Variants in LRRIQ1 observed in about 807,000 individuals in gnomAD.
The protein encoded by LRRIQ1 is leucine-rich repeat- and IQ domain-containing protein 1.
Under a neutral mutation model 211.9 loss-of-function variants are expected in LRRIQ1, and 210 were observed. That is an observed-to-expected ratio of 0.99 (90% CI 0.89 to 1.11). The LOEUF (loss-of-function observed/expected upper bound fraction) is 1.11, where lower values mean the gene tolerates loss of function less well. LRRIQ1 is among the 50% of genes most tolerant of loss of function. The pLI is 0.00. For missense variants in LRRIQ1, 2,136 were observed against 1,939.5 expected (o/e 1.10, Z -1.90); for synonymous variants, 699 against 650.1 (o/e 1.08, Z -1.14).
chr12:85,111,053 A>T (rs1334339383), intron 15 of LRRIQ1, among the ~76,000 whole-genome samples: 1 of 152,136 alleles, frequency 6.6e-6, no homozygotes, highest in Admixed American at 6.6e-5. Context: ...CTTCATAAAA[A>T]ATAACCCAGA....
chr12:85,049,642 G>A (rs1880061357), intron 6 of LRRIQ1, among the ~76,000 whole-genome samples: 1 of 152,024 alleles, frequency 6.6e-6, no homozygotes, highest in East Asian at 1.9e-4. Context: ...TTCTTTGATT[G>A]GCTTTTTAAA....
chr12:85,271,416 CTCTT>C, the LRRIQ1 span, among the ~76,000 whole-genome samples: 3 of 152,160 alleles, frequency 2.0e-5, no homozygotes, highest in Non-Finnish European at 2.9e-5. Flanking sequence ...AATTTAATCA[CTCTT>C]TCTTATGTCT....
intron 24 of LRRIQ1, among the ~76,000 whole-genome samples, chr12:85,193,548 C>A (rs1228712106): frequency 6.9e-6 from 1 of 144,996 alleles, no homozygotes; most frequent in African/African-American, 2.5e-5. Context: ...ATTTTCAACC[C>A]AGAATTTCAT....
At chr12:85,091,772 G>C (rs550370911) in intron 11 of LRRIQ1, among the ~76,000 whole-genome samples, 2 of 152,068 alleles carry the variant, frequency 1.3e-5, no homozygotes, top group African/African-American at 2.4e-5. Flanking sequence ...CACATTGCTT[G>C]CTTCTTAAAA....
Position 85,236,829 on chromosome 12 carries a change from G to GTATATATATATATATATA in LRRIQ1, c.5016+4073_5016+4074insTATATATATATATATATA, listed in dbSNP as rs1565921248. ...TCTGGATATATGTATGTGTATGTGT[G>GTATATATATATATATATA]CATATATATATATATATATATATAT... On this transcript the variant is annotated intron_variant, in intron 26 of 26. Transcript: ENST00000393217. Among the ~76,000 whole-genome samples the GTATATATATATATATATA allele has an allele frequency of 3.0e-3, 179 of 60,426 alleles. 2 individuals are homozygous for GTATATATATATATATATA. The highest frequency in any genetic ancestry group is 0.026 in the African/African-American group (157 of 6,070). 39.6% of individuals were successfully genotyped at this position (60,426 alleles called of 152,430 possible). A position where few individuals can be genotyped will look rare whatever the true frequency, so the allele number is the denominator to read the frequency against.
rs11116735 is a variant in LRRIQ1, at chr12:85,189,062, T to G, written c.4822+28348T>G. On this transcript the variant is annotated intron_variant, in intron 24 of 26. Transcript: ENST00000393217. ...ATCCAAGCAAGTACAGGCACAAAAC[T>G]TGATCGTAAGATTAAGTTAAAGTAA... is the stretch of plus-strand genomic sequence containing the variant. Among the ~76,000 whole-genome samples, 12 of 152,156 alleles carry G rather than the reference T, an allele frequency of 7.9e-5. No homozygotes were observed. The East Asian group carries it at 2.3e-3, about 29-fold the overall frequency.
chr12:85,161,836 C>G (rs1890898413), intron 24 of LRRIQ1, among the ~76,000 whole-genome samples: 1 of 152,012 alleles, frequency 6.6e-6, no homozygotes, highest in Non-Finnish European at 1.5e-5. Flanking sequence ...ATCAGGAGAT[C>G]GAGACCATCC....
At chr12:85,076,346 A>T (rs554818504) in intron 11 of LRRIQ1, among the ~76,000 whole-genome samples, 23 of 152,058 alleles carry the variant, frequency 1.5e-4, no homozygotes, top group African/African-American at 5.1e-4. Context: ...AATAAAAATA[A>T]ATATAATGTT....
chr12:85,098,679 A>G (rs1033650654), intron 12 of LRRIQ1, 131 bp downstream of exon 12: 1 of 790,702 alleles, frequency 1.3e-6, no homozygotes, highest in Non-Finnish European at 1.9e-6. Flanking sequence ...AACCTTTATC[A>G]AGAATATTAA....
At chr12:85,108,597 A>G (rs1193234610) in intron 15 of LRRIQ1, among the ~76,000 whole-genome samples, 1 of 152,152 alleles carries the variant, frequency 6.6e-6, no homozygotes, top group Non-Finnish European at 1.5e-5. Context: ...CTCCCAGAAT[A>G]CTGAGAGAAT....
chr12:85,055,809 T>G lies in LRRIQ1; in HGVS notation c.1016T>G (p.Leu339Ter). 3 of 1,590,662 alleles carry G rather than the reference T, an allele frequency of 1.9e-6. No individual in the cohort carries two copies. The highest frequency in any genetic ancestry group is 2.6e-6 in the Non-Finnish European group (3 of 1,167,446). The change falls in exon 8 of 27, where the codon TTA becomes TGA. Residue 339 changes from leucine to a stop codon, truncating the protein, a stop_gained. Coordinates refer to ENST00000393217, the MANE Select transcript of LRRIQ1 (RefSeq NM_001079910.2). LOFTEE classifies it high-confidence loss of function. ...RQKEEENRKRLEEEQRIKEER... is the reference protein window; with the variant it reads ...RQKEEENRKR ...AAGGAGGAAGAAAATCGAAAAAGAT[T>G]AGAGGAGGAACAAAGGATAAAAGAA... is the stretch of plus-strand genomic sequence containing the variant.
chr12:85,141,553 C>G (rs191745194), intron 19 of LRRIQ1, among the ~76,000 whole-genome samples: 212 of 143,278 alleles, frequency 1.5e-3, no homozygotes, highest in African/African-American at 5.1e-3. Flanking sequence ...GGGCCATTTC[C>G]TTTGATATTT....
At chr12:85,060,657 A>T (rs1450108851) in intron 8 of LRRIQ1, among the ~76,000 whole-genome samples, 2 of 151,934 alleles carry the variant, frequency 1.3e-5, no homozygotes, top group African/African-American at 4.8e-5. Context: ...CCTTGGACTC[A>T]GTCCCTTTGC....
chr12:85,118,117 T>G (rs1284696419), intron 15 of LRRIQ1, among the ~76,000 whole-genome samples: 1 of 152,186 alleles, frequency 6.6e-6, no homozygotes, highest in South Asian at 2.1e-4. Flanking sequence ...AGCTGTTATC[T>G]TAACATAACA....
intron 24 of LRRIQ1, among the ~76,000 whole-genome samples, chr12:85,189,107 A>G (rs1425361817): frequency 6.6e-6 from 1 of 152,126 alleles, no homozygotes; most frequent in Non-Finnish European, 1.5e-5. Flanking sequence ...CCAGAAAAAA[A>G]CATAAACAGT....
chr12:85,133,436 C>T (rs1221268787), intron 18 of LRRIQ1, among the ~76,000 whole-genome samples: 1 of 152,068 alleles, frequency 6.6e-6, no homozygotes, highest in Non-Finnish European at 1.5e-5. Flanking sequence ...GAATCTGAAA[C>T]CTGACACATA....
chr12:85,123,768 G>T (rs1356354091), intron 16 of LRRIQ1, among the ~76,000 whole-genome samples: 1 of 151,914 alleles, frequency 6.6e-6, no homozygotes, highest in Non-Finnish European at 1.5e-5. Flanking sequence ...CATGTTTATG[G>T]TAATAAAAGC....
chr12:85,227,951 G>A (rs543591467), intron 24 of LRRIQ1, among the ~76,000 whole-genome samples: 2 of 152,202 alleles, frequency 1.3e-5, no homozygotes, highest in Admixed American at 6.5e-5. Flanking sequence ...AATGATGCTG[G>A]GAAAACTGGC....
the LRRIQ1 span, among the ~76,000 whole-genome samples, chr12:85,269,964 A>G: frequency 2.0e-4 from 30 of 152,112 alleles, no homozygotes; most frequent in African/African-American, 6.3e-4. Context: ...CCGTCTTCTT[A>G]CTATATCTTC....
Sources: gnomAD v4.1 joint callset for allele counts (sites outside exome capture counted in the v4.1 genomes callset) on GRCh38, gnomAD v4.1.1 for gene constraint, MANE v1.5 for transcripts, NCBI Gene and HGNC (gene_info 2026-07-23, HGNC 2026-07-21) for gene names.